WDR72: variants seen among roughly 807,000 people sequenced by gnomAD.
WDR72 encodes WD repeat-containing protein 72.
Under a neutral mutation model 124.2 loss-of-function variants are expected in WDR72, and 120 were observed. The ratio of observed to expected loss-of-function variants is 0.97; its 90% CI spans 0.83 to 1.12. The LOEUF is 1.12. Among genes scored for constraint, WDR72 ranks in the 50% most tolerant of loss-of-function variants. The pLI is 0.00. For synonymous variants in WDR72, 452 were observed against 441.7 expected (o/e 1.02, Z -0.29); for missense variants, 1,387 against 1,278.8 (o/e 1.08, Z -1.29).
intron 18 of WDR72, among the ~76,000 whole-genome samples, chr15:53,549,581 C>G (rs1893640183): frequency 6.6e-6 from 1 of 152,004 alleles, no homozygotes; most frequent in South Asian, 2.1e-4. Flanking sequence ...GGACCTGCTT[C>G]AAAAACAAGC....
intron 18 of WDR72, among the ~76,000 whole-genome samples, chr15:53,546,968 A>T (rs1355629449): frequency 6.6e-6 from 1 of 152,230 alleles, no homozygotes; most frequent in African/African-American, 2.4e-5. Context: ...AAATAGGGAA[A>T]GAAAAGCCAT....
intron 18 of WDR72, among the ~76,000 whole-genome samples, chr15:53,533,237 T>C (rs952663348): frequency 6.6e-6 from 1 of 152,150 alleles, no homozygotes; most frequent in African/African-American, 2.4e-5. Flanking sequence ...AGTTTATTTA[T>C]ATAAGAGTAT....
intron 17 of WDR72, among the ~76,000 whole-genome samples, chr15:53,602,298 A>T (rs1595786373): frequency 6.6e-6 from 1 of 152,172 alleles, no homozygotes; most frequent in East Asian, 1.9e-4. Flanking sequence ...AAGAACAAAG[A>T]TACAATATAC....
At chr15:53,685,920 A>G (rs2016604779) in intron 13 of WDR72, among the ~76,000 whole-genome samples, 1 of 135,620 alleles carries the variant, frequency 7.4e-6, no homozygotes. Flanking sequence ...ATTCTTAAAG[A>G]AAAGAATTTT....
At chr15:53,666,298 T>C (rs2015778086) in intron 13 of WDR72, among the ~76,000 whole-genome samples, 1 of 152,198 alleles carries the variant, frequency 6.6e-6, no homozygotes, top group African/African-American at 2.4e-5. Flanking sequence ...GGTATTGTTG[T>C]GATTATATCC....
Position 53,515,053 on chromosome 15 carries a change from G to GTGTATATATATACACACATATATATGTA in WDR72, c.*2618_*2645dup, listed in dbSNP as rs1891374139. On this transcript the variant is annotated 3_prime_UTR_variant, in exon 20 of 20. Transcript: ENST00000360509. ...CACATATATATGTGTATATATATGT[G>GTGTATATATATACACACATATATATGTA]TGTATATATATACACACATATATAT... is the stretch of plus-strand genomic sequence containing the variant. The GTGTATATATATACACACATATATATGTA allele has an allele frequency of 7.2e-6, 1 of 138,148 alleles. No individual in the cohort carries two copies. The highest frequency in any genetic ancestry group is 2.6e-5 in the African/African-American group (1 of 38,648). 8.6% of individuals were successfully genotyped at this position (138,148 alleles called of 1,614,324 possible).
chr15:53,523,332 G>T lies in WDR72; in HGVS notation c.3149-10C>A. On this transcript the variant is annotated splice_polypyrimidine_tract_variant and intron_variant, in intron 18 of 19. Coordinates refer to ENST00000360509, the MANE Select transcript of WDR72 (RefSeq NM_182758.4). ...ACCGGGCTGACTGGAGCTATTAAAAGAGAGAGAGAGAGAGAGAGAGACAGA... is the reference window on the plus strand; with the variant it reads ...ACCGGGCTGACTGGAGCTATTAAAATAGAGAGAGAGAGAGAGAGAGACAGA... The T allele has an allele frequency of 1.5e-6, 1 of 681,694 alleles. No individual in the cohort carries two copies. Among genetic ancestry groups the T allele is most frequent in the African/African-American group, 2.1e-5 (1 of 48,334 alleles). The allele number at this position is 681,694 out of a possible 1,614,324, so 42.2% of individuals were successfully genotyped here.
chr15:53,573,337 T>C (rs1454756056), intron 18 of WDR72, among the ~76,000 whole-genome samples: 1 of 152,202 alleles, frequency 6.6e-6, no homozygotes, highest in Non-Finnish European at 1.5e-5. Context: ...CAATTCACAA[T>C]GGCATATGCT....
chr15:53,582,161 T>G (rs917943301), intron 18 of WDR72, among the ~76,000 whole-genome samples: 1 of 151,998 alleles, frequency 6.6e-6, no homozygotes, highest in Non-Finnish European at 1.5e-5. Flanking sequence ...TTGTAGTACC[T>G]TTTATACTTG....
intron 14 of WDR72, among the ~76,000 whole-genome samples, chr15:53,655,879 G>T (rs1489108078): frequency 1.3e-5 from 2 of 152,162 alleles, no homozygotes; most frequent in East Asian, 3.9e-4. Context: ...TTTTAGTAGA[G>T]ACGGGGTTTC....
intron 14 of WDR72, among the ~76,000 whole-genome samples, chr15:53,631,255 C>T (rs2014417341): frequency 6.6e-6 from 1 of 152,116 alleles, no homozygotes; most frequent in Admixed American, 6.6e-5. Context: ...CTCGCTCCTT[C>T]TCCAGCCACA....
chr15:53,609,443 G>C, intron 17 of WDR72, 70 bp downstream of exon 17: 7 of 1,311,978 alleles, frequency 5.3e-6, no homozygotes, highest in Non-Finnish European at 7.7e-6. Flanking sequence ...TTCAGATAGA[G>C]GGGGGTATCC....
chr15:53,521,420 G>A (rs986394605), intron 19 of WDR72, among the ~76,000 whole-genome samples: 2 of 152,032 alleles, frequency 1.3e-5, no homozygotes, highest in Admixed American at 1.3e-4. Context: ...GAGGTTTCTA[G>A]GCCTATAAGG....
chr15:53,706,014 C>T lies in WDR72; in HGVS notation c.1015G>A (p.Val339Ile), dbSNP rs1595863418. 1 of 1,614,040 alleles carries T rather than the reference C, an allele frequency of 6.2e-7. No individual in the cohort carries two copies. The highest frequency in any genetic ancestry group is 8.5e-7 in the Non-Finnish European group (1 of 1,179,996). ...MNERKEPFYK[V>I]LFSGEVSGRI... ...CCTGAGACTTCTCCAGAGAAAAGTA[C>T]CTTGTAAAAAGGCTCTTTCCTTTCA... The change falls in exon 10 of 20, where the codon GTA becomes ATA. Residue 339 changes from valine to isoleucine, a missense_variant. Transcript: ENST00000360509.
chr15:53,543,057 A>G lies in WDR72; in HGVS notation c.3149-19735T>C, dbSNP rs1370566900. Among the ~76,000 whole-genome samples, 6 of 147,938 alleles carry G rather than the reference A, an allele frequency of 4.1e-5. No homozygotes were observed. The East Asian group carries it at 1.0e-3, about 25-fold the overall frequency. ...CACATTAATAATGGGAGACTTTAAC[A>G]CCCCACTGTCAACATTAGACAGATC... On this transcript the variant is annotated intron_variant, in intron 18 of 19. Transcript: ENST00000360509.
At chr15:53,660,028 TTTA>T (rs1175257791) in intron 14 of WDR72, among the ~76,000 whole-genome samples, 3 of 151,986 alleles carry the variant, frequency 2.0e-5, no homozygotes, top group African/African-American at 7.2e-5. Flanking sequence ...TAAAAATCTA[TTTA>T]TTTTCTTTTA....
intron 13 of WDR72, among the ~76,000 whole-genome samples, chr15:53,666,646 A>G (rs2015789398): frequency 6.6e-6 from 1 of 152,212 alleles, no homozygotes; most frequent in Non-Finnish European, 1.5e-5. Context: ...ACCTAAATAC[A>G]GACTTCATTT....
Position 53,552,680 on chromosome 15 carries a change from C to A in WDR72, c.3149-29358G>T, listed in dbSNP as rs549213152. Among the ~76,000 whole-genome samples the A allele has an allele frequency of 7.2e-5, 11 of 152,224 alleles. No individual in the cohort carries two copies. In the South Asian group the frequency reaches 2.1e-3, roughly 29 times the overall value. ...AAATAATGAAGTGGCTTAAAAAATT[C>A]TTTCTTGGATAATGAAAAACCTGTA... On this transcript the variant is annotated intron_variant, in intron 18 of 19. Coordinates refer to ENST00000360509, the MANE Select transcript of WDR72 (RefSeq NM_182758.4).
intron 2 of WDR72, among the ~76,000 whole-genome samples, chr15:53,723,993 A>T (rs1373174023): frequency 6.6e-6 from 1 of 152,192 alleles, no homozygotes; most frequent in African/African-American, 2.4e-5. Context: ...AAAAGAAATA[A>T]ATCCTGCCAT....
Sources: gnomAD v4.1 joint callset for allele counts (sites outside exome capture counted in the v4.1 genomes callset) on GRCh38, gnomAD v4.1.1 for gene constraint, MANE v1.5 for transcripts, NCBI Gene and HGNC (gene_info 2026-07-23, HGNC 2026-07-21) for gene names.